The following KCMF1 variants were observed in gnomAD, a reference collection of about 807,000 sequenced individuals.
KCMF1 encodes the protein potassium channel modulatory factor 1.
A neutral mutation model predicts 41.1 loss-of-function variants in KCMF1; 3 were observed. The ratio of observed to expected loss-of-function variants is 0.07; its 90% CI spans 0.03 to 0.19. The LOEUF (loss-of-function observed/expected upper bound fraction) is 0.19. Ranked by LOEUF, KCMF1 falls within the 10% of genes least tolerant of loss-of-function variation. The pLI, the probability that KCMF1 is intolerant of heterozygous loss-of-function variation, is 1.00. For missense variants in KCMF1, 286 were observed against 488.9 expected (o/e 0.58, Z 3.91); for synonymous variants, 142 against 164.5 (o/e 0.86, Z 1.04).
At chr2:84,978,909 T>A (rs1016241894) in intron 1 of KCMF1, among the ~76,000 whole-genome samples, 2 of 152,136 alleles carry the variant, frequency 1.3e-5, no homozygotes, top group Non-Finnish European at 2.9e-5. Flanking sequence ...AGACAGGGTT[T>A]GTCCATGTTG....
chr2:84,975,590 G>A (rs982830124), intron 1 of KCMF1, among the ~76,000 whole-genome samples: 2 of 152,070 alleles, frequency 1.3e-5, no homozygotes, highest in African/African-American at 4.8e-5. Flanking sequence ...GAATTGTAGG[G>A]CCACTTTTAA....
chr2:85,026,498 T>TTA lies in KCMF1; in HGVS notation c.17-1390_17-1389insAT, dbSNP rs1558580342. The stretch of plus-strand genomic sequence containing the variant: ...TATTATTATTATTATTATTATTATT[T>TTA]TTATTTTTTCCAGACAGGGTCTTGT... On this transcript the variant is annotated intron_variant, in intron 1 of 6. Transcript: ENST00000409785. 4.6e-3 allele frequency among the ~76,000 whole-genome samples: 579 copies of TTA among 125,542 alleles called. 6 individuals are homozygous for TTA. Among genetic ancestry groups the TTA allele is most frequent in the African/African-American group, 0.016 (543 of 34,592 alleles). 82.4% of individuals were successfully genotyped at this position (125,542 alleles called of 152,430 possible). A position where few individuals can be genotyped will look rare whatever the true frequency, so the allele number is the denominator to read the frequency against.
chr2:85,029,045 C>G (rs938128598), intron 2 of KCMF1, among the ~76,000 whole-genome samples: 2 of 152,196 alleles, frequency 1.3e-5, no homozygotes, highest in African/African-American at 4.8e-5. Context: ...TTTCGGCTCA[C>G]TGCAACATCT....
At chr2:84,983,320 C>A (rs1673811178) in intron 1 of KCMF1, among the ~76,000 whole-genome samples, 1 of 151,948 alleles carries the variant, frequency 6.6e-6, no homozygotes. Flanking sequence ...TTTTTTCTTA[C>A]AAAGTCTTAA....
chr2:85,022,856 A>G (rs1674977411), intron 1 of KCMF1, among the ~76,000 whole-genome samples: 2 of 148,318 alleles, frequency 1.3e-5, no homozygotes, highest in South Asian at 4.2e-4. Flanking sequence ...TAAACTAGAT[A>G]CTGGTTTTCA....
chr2:85,010,010 A>C (rs1183348490), intron 1 of KCMF1, among the ~76,000 whole-genome samples: 2 of 152,326 alleles, frequency 1.3e-5, no homozygotes, highest in African/African-American at 2.4e-5. Context: ...ACTGGGATTC[A>C]GTTCTTTCCA....
intron 1 of KCMF1, among the ~76,000 whole-genome samples, chr2:84,993,479 G>A (rs867781898): frequency 6.6e-6 from 1 of 151,926 alleles, no homozygotes; most frequent in African/African-American, 2.4e-5. Context: ...CATAGTTGAT[G>A]TACTCCCTTA....
At chr2:84,990,088 A>C (rs1010258579) in intron 1 of KCMF1, among the ~76,000 whole-genome samples, 1 of 152,368 alleles carries the variant, frequency 6.6e-6, no homozygotes, top group African/African-American at 2.4e-5. Context: ...CAGAAAGGTC[A>C]AGAAGATAAG....
At chr2:85,003,712 C>T (rs977930657) in intron 1 of KCMF1, among the ~76,000 whole-genome samples, 1 of 152,054 alleles carries the variant, frequency 6.6e-6, no homozygotes, top group Non-Finnish European at 1.5e-5. Context: ...CCTAGGATTA[C>T]AGGCGTGAGC....
chr2:84,983,802 C>G (rs369043557), intron 1 of KCMF1, among the ~76,000 whole-genome samples: 1 of 151,916 alleles, frequency 6.6e-6, no homozygotes, highest in Non-Finnish European at 1.5e-5. Flanking sequence ...TGAGCCACTG[C>G]GTCCGGCTGA....
At chr2:85,009,451 A>T (rs1674602456) in intron 1 of KCMF1, among the ~76,000 whole-genome samples, 1 of 152,214 alleles carries the variant, frequency 6.6e-6, no homozygotes, top group African/African-American at 2.4e-5. Context: ...AAAGTGGGAC[A>T]TTGCTGTACA....
rs1675900949 is a variant in KCMF1, at chr2:85,055,266, G to T, written c.*1857G>T. On this transcript the variant is annotated 3_prime_UTR_variant, in exon 7 of 7. Transcript: ENST00000409785. ...TGTTGACCACTTGAATTTCTTTGGT[G>T]TTAGTGGATTAACCTAACCATTACT... 6.6e-6 allele frequency: 1 copy of T among 152,156 alleles called. No homozygotes were observed. The highest frequency in any genetic ancestry group is 1.5e-5 in the Non-Finnish European group (1 of 68,022). The allele number at this position is 152,156 out of a possible 1,614,324, so 9.4% of individuals were successfully genotyped here.
intron 1 of KCMF1, among the ~76,000 whole-genome samples, chr2:85,018,276 T>C (rs1357929561): frequency 6.7e-6 from 1 of 150,054 alleles, no homozygotes; most frequent in African/African-American, 2.5e-5. Flanking sequence ...GATTTTTTTT[T>C]TTTTTTTTTT....
chr2:85,021,711 T>C (rs989382534), intron 1 of KCMF1, among the ~76,000 whole-genome samples: 2 of 152,140 alleles, frequency 1.3e-5, no homozygotes, highest in Non-Finnish European at 2.9e-5. Context: ...CATTTGATTC[T>C]CGTAGCAAAC....
At chr2:85,013,323 A>T (rs537297264) in intron 1 of KCMF1, among the ~76,000 whole-genome samples, 1 of 152,302 alleles carries the variant, frequency 6.6e-6, no homozygotes, top group South Asian at 2.1e-4. Context: ...CAGTACAATG[A>T]GCTGTCATGT....
chr2:85,001,954 A>G (rs1424348455), intron 1 of KCMF1, among the ~76,000 whole-genome samples: 1 of 152,230 alleles, frequency 6.6e-6, no homozygotes, highest in East Asian at 1.9e-4. Context: ...AGGCAGTTAT[A>G]ACACAATGCT....
In KCMF1 at chr2:85,057,709, T is replaced by C. The variant is rs867620088; in HGVS notation, c.*4300T>C. 16 of 152,238 alleles carry C rather than the reference T, an allele frequency of 1.1e-4. No homozygotes were observed. Among genetic ancestry groups the C allele is most frequent in the African/African-American group, 3.6e-4 (15 of 41,464 alleles). 9.4% of individuals were successfully genotyped at this position (152,238 alleles called of 1,614,324 possible). ...GTTTTTCAACCCATTTCTGTCAGTG[T>C]TCTATAAATGCATACATTCGTTATT... On this transcript the variant is annotated 3_prime_UTR_variant, in exon 7 of 7. Transcript: ENST00000409785.
chr2:85,047,596 TAAA>T (rs202167081), intron 5 of KCMF1, among the ~76,000 whole-genome samples: 1,829 of 132,032 alleles, frequency 0.014, 48 homozygotes, highest in African/African-American at 0.048. Flanking sequence ...GGAAAAATCT[TAAA>T]AAAAAAAAAA....
chr2:85,008,403 A>AATG, intron 1 of KCMF1, among the ~76,000 whole-genome samples: 1 of 119,286 alleles, frequency 8.4e-6, no homozygotes, highest in Admixed American at 9.4e-5. Context: ...TATATTATAT[A>AATG]TCATATTATA....
Sources: gnomAD v4.1 joint callset for allele counts (sites outside exome capture counted in the v4.1 genomes callset) on GRCh38, gnomAD v4.1.1 for gene constraint, MANE v1.5 for transcripts, NCBI Gene and HGNC (gene_info 2026-07-23, HGNC 2026-07-21) for gene names.